The following SAMD10 variants were observed in gnomAD, a reference collection of about 807,000 sequenced individuals.
SAMD10 encodes the protein sterile alpha motif domain containing 10, also known as sterile alpha motif domain-containing protein 10.
SAMD10 carries 16 observed loss-of-function variants against 22.5 expected under a neutral mutation model. The observed-to-expected ratio is 0.71, with a 90% CI of 0.48 to 1.08. The LOEUF (loss-of-function observed/expected upper bound fraction) is 1.08. Ranked by LOEUF, SAMD10 falls within the 50% of genes least tolerant of loss-of-function variation. SAMD10 has a pLI of 0.00. For synonymous variants in SAMD10, 118 were observed against 122.2 expected (o/e 0.97, Z 0.23); for missense variants, 227 against 281.3 (o/e 0.81, Z 1.38).
chr20:63,975,332 G>T lies in SAMD10; in HGVS notation c.*178C>A. On this transcript the variant is annotated 3_prime_UTR_variant, in exon 5 of 5. Coordinates refer to ENST00000369886, the MANE Select transcript of SAMD10 (RefSeq NM_080621.5). Reference sequence around the variant, plus strand: ...CCCACCCAGCCCCAGGGCACGACCTGGAATGTCCAACCAGAGGCGCCTGGA... The same window carrying T: ...CCCACCCAGCCCCAGGGCACGACCTTGAATGTCCAACCAGAGGCGCCTGGA... 1.4e-6 allele frequency: 1 copy of T among 704,400 alleles called. No homozygotes were observed. 43.6% of individuals were successfully genotyped at this position (704,400 alleles called of 1,614,324 possible).
rs750844114 is a variant in SAMD10 at position 63,975,723 on chromosome 20, C to G, written c.555G>C (p.Glu185Asp). 6.2e-7 allele frequency: 1 copy of G among 1,607,406 alleles called. No individual in the cohort carries two copies. Among genetic ancestry groups the G allele is most frequent in the Non-Finnish European group, 8.5e-7 (1 of 1,179,062 alleles). Residue 185 changes from glutamate to aspartate, a missense_variant, in exon 4 of 5, where the codon GAG becomes GAC. Physicochemically the swap from Glu to Asp is conservative, Grantham distance 45. Coordinates refer to ENST00000369886, the MANE Select transcript of SAMD10 (RefSeq NM_080621.5). ...TGAGCAGCTGCAGGCTCCGCCCCTC[C>G]TCACGCACCTGCAGGCGGAGCACCT... ...LQQVLRLQVR[E>D]EGRSLQLLSQ...
chr20:63,975,404 C>T lies in SAMD10; in HGVS notation c.*106G>A, dbSNP rs967756166. 29 of 1,432,130 alleles carry T rather than the reference C, an allele frequency of 2.0e-5. No individual in the cohort carries two copies. The highest frequency in any genetic ancestry group is 2.4e-5 in the South Asian group (2 of 83,304). 88.7% of individuals were successfully genotyped at this position (1,432,130 alleles called of 1,614,324 possible). A position where few individuals can be genotyped will look rare whatever the true frequency, so the allele number is the denominator to read the frequency against. ...GTCCGTTGGGCCAGCCTGGCCGCCC[C>T]GGCATCCCGCAGGGTCCAAGAGGCG... On this transcript the variant is annotated 3_prime_UTR_variant, in exon 5 of 5. Coordinates refer to ENST00000369886, the MANE Select transcript of SAMD10 (RefSeq NM_080621.5).
At position 63,979,192 on chromosome 20, in the gene SAMD10, G is replaced by C. The variant is rs987261471; in HGVS notation, c.91+185C>G. On this transcript the variant is annotated intron_variant, in intron 1 of 4. Transcript: ENST00000369886. This position sits in a 1 kb window ranked among gnomAD's most constrained non-coding sequence, Gnocchi z 7.7. ...AAGCCAAGGGCGCGCTGACCCCCAAGGCCTGAGGCTGGCTGCCCCCTAAAG... is the reference window on the plus strand; with the variant it reads ...AAGCCAAGGGCGCGCTGACCCCCAACGCCTGAGGCTGGCTGCCCCCTAAAG... Among the ~76,000 whole-genome samples, 1 of 151,946 alleles carries C rather than the reference G, an allele frequency of 6.6e-6. No homozygotes were observed. The highest frequency in any genetic ancestry group is 2.4e-5 in the African/African-American group (1 of 41,386).
chr20:63,975,843 G>A lies in SAMD10; in HGVS notation c.446-11C>T, dbSNP rs778911606. The A allele has an allele frequency of 8.8e-6, 14 of 1,585,648 alleles. No homozygotes were observed. In the South Asian group the frequency reaches 1.5e-4, roughly 16 times the overall value. On this transcript the variant is annotated splice_polypyrimidine_tract_variant and intron_variant, in intron 3 of 4. Coordinates refer to ENST00000369886, the MANE Select transcript of SAMD10 (RefSeq NM_080621.5). ...GCAGCAGTGCCCGGCCTGGGGAGAG[G>A]AAAGAGGGGCTGAGCTGAGGCCAAC...
In SAMD10 at chr20:63,975,914, T is replaced by A. The variant is rs185275798; in HGVS notation, c.446-82A>T. The A allele has an allele frequency of 1.3e-5, 18 of 1,416,846 alleles. No individual in the cohort carries two copies. In the Admixed American group the frequency reaches 2.6e-4, roughly 21 times the overall value. The allele number at this position is 1,416,846 out of a possible 1,614,324, so 87.8% of individuals were successfully genotyped here. On this transcript the variant is annotated intron_variant, in intron 3 of 4. Transcript: ENST00000369886. ...CAAGGCTGGTGCCATGGCTCATGCC[T>A]GTGATCCCAGCACTTTGGGAGGCCG...
chr20:63,979,078 G>C lies in SAMD10; in HGVS notation c.91+299C>G, dbSNP rs542947311. Among the ~76,000 whole-genome samples the C allele has an allele frequency of 4.5e-3, 692 of 152,300 alleles. 5 individuals carry two copies. Among genetic ancestry groups the C allele is most frequent in the African/African-American group, 0.016 (669 of 41,578 alleles). ...CCTTTCGGCCCCACTGCAAAAGCGG[G>C]GGAGGGTTTTCCCCGTGCGCAGGAA... On this transcript the variant is annotated intron_variant, in intron 1 of 4. Coordinates refer to ENST00000369886, the MANE Select transcript of SAMD10 (RefSeq NM_080621.5). The surrounding 1 kb of genome is among the most constrained non-coding windows in gnomAD (Gnocchi z 7.7).
Position 63,977,425 on chromosome 20 carries a change from G to T in SAMD10, c.92-19C>A, listed in dbSNP as rs779916188. 1 of 1,611,148 alleles carries T rather than the reference G, an allele frequency of 6.2e-7. No homozygotes were observed. Among genetic ancestry groups the T allele is most frequent in the Non-Finnish European group, 8.5e-7 (1 of 1,179,000 alleles). On this transcript the variant is annotated intron_variant, in intron 1 of 4. Transcript: ENST00000369886. The surrounding 1 kb of genome is among the most constrained non-coding windows in gnomAD (Gnocchi z 5.4). Reference sequence around the variant, plus strand: ...GCAGTGGCTGTGTGTGGGGGTGCCTGGTCAGGGCAGTCAAGGGCAGAACCA... The same window carrying T: ...GCAGTGGCTGTGTGTGGGGGTGCCTTGTCAGGGCAGTCAAGGGCAGAACCA...
upstream of SAMD10, chr20:63,979,736 C>T: frequency 1.0e-6 from 1 of 960,000 alleles, no homozygotes; most frequent in African/African-American, 1.8e-5. The surrounding 1 kb of genome is among the most constrained non-coding windows in gnomAD (Gnocchi z 7.7). Context: ...GTCCGTGCGC[C>T]CCTGGGCACG....
chr20:63,975,230 C>T lies in SAMD10; in HGVS notation c.*280G>A, dbSNP rs2059013310. ...CGGTTCTGGCTCCAGGCAGCTGCCCCACATGCTGCCAGCTGCACCAGGGGA... is the reference window on the plus strand; with the variant it reads ...CGGTTCTGGCTCCAGGCAGCTGCCCTACATGCTGCCAGCTGCACCAGGGGA... On this transcript the variant is annotated 3_prime_UTR_variant, in exon 5 of 5. Transcript: ENST00000369886. The T allele has an allele frequency of 3.9e-6, 2 of 511,866 alleles. No homozygotes were observed. The highest frequency in any genetic ancestry group is 6.8e-6 in the Non-Finnish European group (2 of 292,170). The allele number at this position is 511,866 out of a possible 1,614,324, so 31.7% of individuals were successfully genotyped here.
At position 63,979,405 on chromosome 20, in the gene SAMD10, C is replaced by T. The variant is rs1233565514; in HGVS notation, c.63G>A (p.Ala21=). The T allele has an allele frequency of 4.7e-6, 7 of 1,488,154 alleles. No individual in the cohort carries two copies. Among genetic ancestry groups the T allele is most frequent in the Non-Finnish European group, 6.2e-6 (7 of 1,125,596 alleles). The allele number at this position is 1,488,154 out of a possible 1,614,324, so 92.2% of individuals were successfully genotyped here. The change falls in exon 1 of 5, where the codon GCG becomes GCA. Residue 21 remains alanine (A), a synonymous_variant. Coordinates refer to ENST00000369886, the MANE Select transcript of SAMD10 (RefSeq NM_080621.5). The surrounding 1 kb of genome is among the most constrained non-coding windows in gnomAD (Gnocchi z 7.7). ...CCACATCCCGGCGCTCCCCGAAGCC[C>T]GCGCGCACGGCCCCGGCGCGGCCAC... ...PPRGRAGAVR[A]GFGERRDVDA...
At chr20:63,978,099 T>C (rs2059037873) in intron 1 of SAMD10, 2 of 357,792 alleles carry the variant, frequency 5.6e-6, no homozygotes, top group South Asian at 4.2e-5. Context: ...TGGGTACCCA[T>C]TGGATATGGG....
In SAMD10 at chr20:63,977,242, CGGGCTGCTGCAGGAGCTTGATT is replaced by C; in HGVS notation, c.234_255del (p.Ile79AlafsTer26). On this transcript the variant is annotated frameshift_variant, in exon 2 of 5. Transcript: ENST00000369886. LOFTEE classifies it high-confidence loss of function. The surrounding 1 kb of genome is among the most constrained non-coding windows in gnomAD (Gnocchi z 5.4). ...GTGGGTACCTGGGGGGTGTCTGTGCCGGGCTGCTGCAGGAGCTTGATTGGCCTGCTGCTGGCCGCCCTCTGGC... is the reference window on the plus strand; with the variant it reads ...GTGGGTACCTGGGGGGTGTCTGTGCCGGCCTGCTGCTGGCCGCCCTCTGGC... The C allele has an allele frequency of 6.2e-7, 1 of 1,613,404 alleles. No individual in the cohort carries two copies. Among genetic ancestry groups the C allele is most frequent in the Non-Finnish European group, 8.5e-7 (1 of 1,179,952 alleles).
In SAMD10 at chr20:63,975,459, C is replaced by A. The variant is rs1221184366; in HGVS notation, c.*51G>T. On this transcript the variant is annotated 3_prime_UTR_variant, in exon 5 of 5. Transcript: ENST00000369886. ...GGGGCCAGCTTGGCCTCCTCCCTAG[C>A]CGTGGACTCCCATCACAGTGCTGGG... 1.9e-6 allele frequency: 3 copies of A among 1,610,280 alleles called. No individual in the cohort carries two copies. The East Asian group carries it at 6.7e-5, about 36-fold the overall frequency.
At position 63,977,522 on chromosome 20, in the gene SAMD10, A is replaced by C. The variant is rs2122937600; in HGVS notation, c.92-116T>G. 9.4e-7 allele frequency: 1 copy of C among 1,060,732 alleles called. No homozygotes were observed. Among genetic ancestry groups the C allele is most frequent in the South Asian group, 1.5e-5 (1 of 65,868 alleles). 65.7% of individuals were successfully genotyped at this position (1,060,732 alleles called of 1,614,324 possible). On this transcript the variant is annotated intron_variant, in intron 1 of 4. Transcript: ENST00000369886. This position sits in a 1 kb window ranked among gnomAD's most constrained non-coding sequence, Gnocchi z 5.4. The stretch of plus-strand genomic sequence containing the variant: ...CACTAGTGCGGGAAATCACCTCCCC[A>C]ATGAGGGGTTCCCAAGCCTCCAAAG...
chr20:63,976,632 C>T (rs1264961016), intron 3 of SAMD10, among the ~76,000 whole-genome samples: 2 of 150,996 alleles, frequency 1.3e-5, no homozygotes, highest in Non-Finnish European at 3.0e-5. Flanking sequence ...CGTGGTGGTG[C>T]ATGCCTGTAA....
At position 63,977,200 on chromosome 20, in the gene SAMD10, G is replaced by T; in HGVS notation, c.273+25C>A. ...AGTGGTGGAGAAGGAGGGCAGGGAC[G>T]GAGGTGGGTGGAGTGGGTGGGTACC... On this transcript the variant is annotated intron_variant, in intron 2 of 4. Coordinates refer to ENST00000369886, the MANE Select transcript of SAMD10 (RefSeq NM_080621.5). This position sits in a 1 kb window ranked among gnomAD's most constrained non-coding sequence, Gnocchi z 5.4. 1.2e-6 allele frequency: 2 copies of T among 1,613,076 alleles called. No individual in the cohort carries two copies. The highest frequency in any genetic ancestry group is 1.7e-6 in the Non-Finnish European group (2 of 1,179,306).
In SAMD10 at chr20:63,975,503, G is replaced by A. The variant is rs2122926492; in HGVS notation, c.*7C>T. On this transcript the variant is annotated 3_prime_UTR_variant, in exon 5 of 5. Coordinates refer to ENST00000369886, the MANE Select transcript of SAMD10 (RefSeq NM_080621.5). Reference sequence around the variant, plus strand: ...TGCTGGGGTCTGGGTTCAAGCCTCAGCAGCAGCTAGGACATTTTCCCGAAG... The same window carrying A: ...TGCTGGGGTCTGGGTTCAAGCCTCAACAGCAGCTAGGACATTTTCCCGAAG... 1 of 1,609,584 alleles carries A rather than the reference G, an allele frequency of 6.2e-7. No individual in the cohort carries two copies. The highest frequency in any genetic ancestry group is 8.5e-7 in the Non-Finnish European group (1 of 1,178,658).
rs2059014548 is a variant in SAMD10, at chr20:63,975,364, A to T, written c.*146T>A. The T allele has an allele frequency of 2.1e-6, 2 of 953,916 alleles. No individual in the cohort carries two copies. Among genetic ancestry groups the T allele is most frequent in the Non-Finnish European group, 3.2e-6 (2 of 625,434 alleles). The allele number at this position is 953,916 out of a possible 1,614,324, so 59.1% of individuals were successfully genotyped here. A position where few individuals can be genotyped will look rare whatever the true frequency, so the allele number is the denominator to read the frequency against. On this transcript the variant is annotated 3_prime_UTR_variant, in exon 5 of 5. Coordinates refer to ENST00000369886, the MANE Select transcript of SAMD10 (RefSeq NM_080621.5). ...CCAACCAGAGGCGCCTGGAGGTGTG[A>T]TCCTGGTCCTGTCTGTCCGTTGGGC...
In SAMD10 at chr20:63,975,709, A is replaced by T; in HGVS notation, c.569T>A (p.Leu190Gln). ...ACACTGACCTTGGCTGAGCAGCTGC[A>T]GGCTCCGCCCCTCCTCACGCACCTG... ...RLQVREEGRS[L>Q]QLLSQASFGK... The change falls in exon 4 of 5, where the codon CTG becomes CAG. Residue 190 changes from leucine (L) to glutamine (Q), a missense_variant. Physicochemically the swap from Leu to Gln is moderately radical, Grantham distance 113. Coordinates refer to ENST00000369886, the MANE Select transcript of SAMD10 (RefSeq NM_080621.5). The T allele has an allele frequency of 6.2e-7, 1 of 1,605,294 alleles. No homozygotes were observed. Among genetic ancestry groups the T allele is most frequent in the African/African-American group, 1.3e-5 (1 of 74,758 alleles).
Sources: gnomAD v4.1 joint callset for allele counts (sites outside exome capture counted in the v4.1 genomes callset) on GRCh38, gnomAD v4.1.1 for gene constraint, Gnocchi (gnomAD v3.1) non-coding constraint, MANE v1.5 for transcripts, NCBI Gene and HGNC (gene_info 2026-07-23, HGNC 2026-07-21) for gene names.